The following BANP variants were observed in gnomAD, a reference collection of about 807,000 sequenced individuals.
The protein encoded by BANP is BTG3 associated nuclear protein.
A neutral mutation model predicts 68.1 loss-of-function variants in BANP; 11 were observed. The ratio of observed to expected loss-of-function variants is 0.16; its 90% CI spans 0.10 to 0.27. The LOEUF (loss-of-function observed/expected upper bound fraction) is 0.27, where lower values mean the gene tolerates loss of function less well. BANP is among the 10% of genes least tolerant of loss of function. BANP has a pLI of 1.00. For missense variants in BANP, 504 were observed against 722.7 expected, an observed-to-expected ratio of 0.70 and a Z score of 3.47; for synonymous variants, 329 against 303.2, an observed-to-expected ratio of 1.09 and a Z score of -0.88.
intron 2 of BANP, among the ~76,000 whole-genome samples, chr16:87,980,194 A>G (rs936451327): frequency 2.0e-5 from 3 of 152,230 alleles, no homozygotes; most frequent in Non-Finnish European, 2.9e-5. Context: ...AATCTTTAAC[A>G]AGAACTGTTG....
At chr16:88,039,265 G>A (rs533676210) in intron 11 of BANP, among the ~76,000 whole-genome samples, 2 of 150,948 alleles carry the variant, frequency 1.3e-5, no homozygotes, top group South Asian at 2.1e-4. Context: ...AAAGGAATGC[G>A]CAGCTTTTAA....
intron 7 of BANP, among the ~76,000 whole-genome samples, chr16:88,026,341 G>C (rs1215519510): frequency 6.6e-6 from 1 of 152,224 alleles, no homozygotes; most frequent in Non-Finnish European, 1.5e-5. Context: ...AGGCACGATA[G>C]AGAGGCGTCG....
At chr16:87,961,456 T>C (rs563540480) in intron 1 of BANP, among the ~76,000 whole-genome samples, 1 of 143,800 alleles carries the variant, frequency 7.0e-6, no homozygotes, top group South Asian at 2.2e-4. Flanking sequence ...GTGAGCCACT[T>C]CCCCTGGTGA....
chr16:88,031,248 G>A (rs114725784), intron 8 of BANP, among the ~76,000 whole-genome samples: 1,819 of 152,358 alleles, frequency 0.012, 35 homozygotes, highest in African/African-American at 0.042. Flanking sequence ...CTCTCCACAT[G>A]CAGCATGCAG....
chr16:88,005,324 C>T (rs751924713), intron 5 of BANP, among the ~76,000 whole-genome samples: 3 of 152,210 alleles, frequency 2.0e-5, no homozygotes, highest in Non-Finnish European at 4.4e-5. Flanking sequence ...GTGCAGAGTG[C>T]AGCGCCCTCC....
intron 11 of BANP, among the ~76,000 whole-genome samples, chr16:88,038,584 A>T (rs925476801): frequency 6.7e-6 from 1 of 150,368 alleles, no homozygotes; most frequent in Non-Finnish European, 1.5e-5. Flanking sequence ...GCTCCTGTGT[A>T]TTGCCGTCAA....
At chr16:88,041,176 A>G (rs565255155) in intron 11 of BANP, among the ~76,000 whole-genome samples, 1 of 152,310 alleles carries the variant, frequency 6.6e-6, no homozygotes, top group Admixed American at 6.5e-5. Context: ...CTTGTAGTTA[A>G]TTGATTATTT....
rs1042782018 is a variant in BANP, at chr16:87,969,120, C to T, written c.-68-5928C>T. Among the ~76,000 whole-genome samples, 9 of 152,156 alleles carry T rather than the reference C, an allele frequency of 5.9e-5. No homozygotes were observed. In the South Asian group the frequency reaches 6.2e-4, roughly 11 times the overall value. On this transcript the variant is annotated intron_variant, in intron 1 of 13. Coordinates refer to ENST00000682872, the MANE Select transcript of BANP (RefSeq NM_001386991.1). ...TCACGGGATCCTGCACCTTGGGAGC[C>T]GCTTTTCGGGGGCTCTTGTTGACTC...
At chr16:88,001,189 C>T (rs1466282439) in intron 4 of BANP, among the ~76,000 whole-genome samples, 5 of 112,846 alleles carry the variant, frequency 4.4e-5, no homozygotes, top group Non-Finnish European at 8.7e-5. Context: ...CGCACGTGTG[C>T]GGCTGTACTT....
At chr16:88,032,029 C>A (rs1238755752) in intron 8 of BANP, among the ~76,000 whole-genome samples, 1 of 152,118 alleles carries the variant, frequency 6.6e-6, no homozygotes, top group Non-Finnish European at 1.5e-5. Context: ...GTCTCGAACT[C>A]CTGACCTGAA....
At chr16:88,020,564 G>C (rs1226232387) in intron 7 of BANP, among the ~76,000 whole-genome samples, 2 of 152,242 alleles carry the variant, frequency 1.3e-5, no homozygotes, top group African/African-American at 2.4e-5. Flanking sequence ...GTGGGGTGTC[G>C]CAGGAGTGTC....
At chr16:87,976,690 G>A (rs1035089075) in intron 2 of BANP, among the ~76,000 whole-genome samples, 4 of 152,054 alleles carry the variant, frequency 2.6e-5, no homozygotes, top group African/African-American at 9.7e-5. Flanking sequence ...TGATCTGTTT[G>A]CTTTGTTAGT....
At chr16:88,070,816 A>G (rs2090114278) in intron 12 of BANP, among the ~76,000 whole-genome samples, 1 of 152,246 alleles carries the variant, frequency 6.6e-6, no homozygotes, top group African/African-American at 2.4e-5. Flanking sequence ...CAGCTGTACA[A>G]AAGCAGCCAG....
rs2079481705 is a variant in BANP, at chr16:88,036,815, C to T, written c.1273-1158C>T. 1.3e-5 allele frequency among the ~76,000 whole-genome samples: 2 copies of T among 152,268 alleles called. No individual in the cohort carries two copies. The highest frequency in any genetic ancestry group is 2.9e-5 in the Non-Finnish European group (2 of 68,016). On this transcript the variant is annotated intron_variant, in intron 10 of 13. Coordinates refer to ENST00000682872, the MANE Select transcript of BANP (RefSeq NM_001386991.1). The surrounding 1 kb of genome is among the most constrained non-coding windows in gnomAD (Gnocchi z 4.2). ...GGAGGCCAGAGTGTCCAGGAAGGAG[C>T]AGGGCCTTCCCTGTTCTGTGTCTGT...
intron 7 of BANP, among the ~76,000 whole-genome samples, chr16:88,019,321 G>A (rs1272182864): frequency 1.3e-5 from 2 of 152,142 alleles, no homozygotes; most frequent in Non-Finnish European, 2.9e-5. Flanking sequence ...GAGCCCGTCT[G>A]CTTCAGAAGC....
In BANP at chr16:88,036,660, TG is replaced by T. The variant is rs2079440505; in HGVS notation, c.1272+1271del. The stretch of plus-strand genomic sequence containing the variant: ...GTGAAAGGGGAGGAACGAATTCATG[TG>T]GGGGCCGTGAGCGACTGGGAATGAG... On this transcript the variant is annotated intron_variant, in intron 10 of 13. Coordinates refer to ENST00000682872, the MANE Select transcript of BANP (RefSeq NM_001386991.1). This position sits in a 1 kb window ranked among gnomAD's most constrained non-coding sequence, Gnocchi z 4.2. 6.6e-6 allele frequency among the ~76,000 whole-genome samples: 1 copy of T among 151,992 alleles called. No individual in the cohort carries two copies. The highest frequency in any genetic ancestry group is 1.5e-5 in the Non-Finnish European group (1 of 67,980).
intron 1 of BANP, among the ~76,000 whole-genome samples, chr16:87,967,973 C>G (rs1165818707): frequency 6.8e-6 from 1 of 147,984 alleles, no homozygotes; most frequent in Admixed American, 7.5e-5. Flanking sequence ...AGGCTGGTCT[C>G]GAACTCCCGA....
At chr16:88,005,741 T>C (rs1233765678) in intron 5 of BANP, among the ~76,000 whole-genome samples, 2 of 152,176 alleles carry the variant, frequency 1.3e-5, no homozygotes, top group African/African-American at 4.8e-5. Context: ...CATTTAGTCT[T>C]CCCTTTAACC....
At chr16:88,054,448 A>T (rs577778889) in intron 11 of BANP, among the ~76,000 whole-genome samples, 145 of 152,140 alleles carry the variant, frequency 9.5e-4, no homozygotes, top group African/African-American at 3.4e-3. Context: ...CTCCACCACT[A>T]TTATGTCCCT....
Sources: gnomAD v4.1 joint callset for allele counts (sites outside exome capture counted in the v4.1 genomes callset) on GRCh38, gnomAD v4.1.1 for gene constraint, Gnocchi (gnomAD v3.1) non-coding constraint, MANE v1.5 for transcripts, NCBI Gene and HGNC (gene_info 2026-07-23, HGNC 2026-07-21) for gene names.